The following EDDM13 variants were observed in gnomAD, a reference collection of about 807,000 sequenced individuals.
EDDM13 encodes the protein epididymal protein 13.
In EDDM13, 24 loss-of-function variants were observed where a neutral mutation model predicts 17.8. The ratio of observed to expected loss-of-function variants is 1.35; its 90% CI spans 0.98 to 1.90. The LOEUF (loss-of-function observed/expected upper bound fraction) is 1.90. Ranked by LOEUF, EDDM13 falls within the 40% of genes most tolerant of loss-of-function variation. The pLI is 0.00. For missense variants in EDDM13, 97 were observed against 100.8 expected (o/e 0.96, Z 0.16); for synonymous variants, 31 against 37.5 (o/e 0.83, Z 0.63).
chr19:56,284,160 G>A, intron 4 of EDDM13, 38 bp from the exon 5 acceptor site: 1 of 985,388 alleles, frequency 1.0e-6, no homozygotes. Context: ...ATGTAACCTT[G>A]GCCACCATGC....
At chr19:56,309,722 C>T (rs374256519) in intron 14 of EDDM13, among the ~76,000 whole-genome samples, 1 of 152,212 alleles carries the variant, frequency 6.6e-6, no homozygotes, top group African/African-American at 2.4e-5. Flanking sequence ...AGTCCCTGCT[C>T]CTGCGGGGCG....
intron 12 of EDDM13, chr19:56,299,724 CTTAG>C (rs1345980093): frequency 3.3e-5 from 5 of 152,142 alleles, no homozygotes; most frequent in South Asian, 2.1e-4. Context: ...GTAAATGCTC[CTTAG>C]TTATTGTACT....
chr19:56,301,754 G>A (rs978610040), intron 12 of EDDM13, among the ~76,000 whole-genome samples: 3 of 152,168 alleles, frequency 2.0e-5, no homozygotes, highest in Non-Finnish European at 4.4e-5. Flanking sequence ...TGAGGTGGGA[G>A]AGCCAAAAGG....
chr19:56,295,400 CCTG>C (rs2039802136), intron 9 of EDDM13, among the ~76,000 whole-genome samples: 1 of 151,944 alleles, frequency 6.6e-6, no homozygotes, highest in African/African-American at 2.4e-5. Context: ...TCTAGACCAG[CCTG>C]GCCAACGTGG....
chr19:56,297,264 C>T (rs556864897), intron 11 of EDDM13, among the ~76,000 whole-genome samples: 1 of 152,066 alleles, frequency 6.6e-6, no homozygotes, highest in Non-Finnish European at 1.5e-5. Context: ...TCTCTTCTCT[C>T]CTCATTCGAG....
intron 6 of EDDM13, 118 bp downstream of exon 6, chr19:56,285,142 C>G (rs1195498620): frequency 5.6e-6 from 2 of 358,482 alleles, no homozygotes; most frequent in Non-Finnish European, 7.8e-6. Flanking sequence ...AGGTATTATC[C>G]AAGCACATGT....
intron 6 of EDDM13, among the ~76,000 whole-genome samples, chr19:56,286,040 G>C (rs2039090570): frequency 6.6e-6 from 1 of 152,080 alleles, no homozygotes; most frequent in African/African-American, 2.4e-5. Context: ...TATTTATTTA[G>C]AGACGGAGTC....
chr19:56,296,962 G>A (rs532520261), intron 11 of EDDM13, among the ~76,000 whole-genome samples: 2 of 152,188 alleles, frequency 1.3e-5, no homozygotes, highest in South Asian at 2.1e-4. Context: ...CTAGCTACTC[G>A]GGAGGTTGAG....
intron 14 of EDDM13, 35 bp downstream of exon 14, chr19:56,304,865 G>C: frequency 3.3e-6 from 3 of 895,930 alleles, no homozygotes; most frequent in Non-Finnish European, 2.7e-6. Context: ...TTTTCCCACC[G>C]CTGGGGTGGG....
At chr19:56,291,478 ATC>A (rs954870370) in intron 9 of EDDM13, among the ~76,000 whole-genome samples, 14 of 152,230 alleles carry the variant, frequency 9.2e-5, no homozygotes, top group African/African-American at 3.1e-4. Context: ...TTTTGGGAAG[ATC>A]TGTTTTGAGA....
At chr19:56,284,942 T>C (rs2038993354) in intron 5 of EDDM13, 56 bp from the exon 6 acceptor site, 1 of 897,848 alleles carries the variant, frequency 1.1e-6, no homozygotes, top group African/African-American at 1.8e-5. Flanking sequence ...ATCCATTAAT[T>C]AGGCATATTT....
chr19:56,288,765 G>C (rs12978406), intron 7 of EDDM13, among the ~76,000 whole-genome samples, 109 bp from the exon 8 acceptor site: 27,733 of 152,162 alleles, frequency 0.18, 2,754 homozygotes, highest in Middle Eastern at 0.25. Flanking sequence ...TCCTCTGACT[G>C]GTCAGGGATG....
intron 1 of EDDM13, among the ~76,000 whole-genome samples, chr19:56,273,998 G>C (rs574271139): frequency 1.2e-3 from 178 of 152,208 alleles, no homozygotes; most frequent in African/African-American, 4.1e-3. Context: ...GGTGAAGATG[G>C]GGATAAGTAG....
At chr19:56,303,851 T>A (rs1165365418) in intron 13 of EDDM13, among the ~76,000 whole-genome samples, 1 of 152,016 alleles carries the variant, frequency 6.6e-6, no homozygotes, top group African/African-American at 2.4e-5. Flanking sequence ...AGTGGAAGGA[T>A]CTTGCCTTCA....
intron 1 of EDDM13, among the ~76,000 whole-genome samples, 170 bp from the exon 2 acceptor site, chr19:56,275,922 T>G (rs186739514): frequency 1.3e-5 from 2 of 152,182 alleles, no homozygotes; most frequent in African/African-American, 4.8e-5. Flanking sequence ...GATGGGCTGA[T>G]AGATGGGCCC....
At chr19:56,290,133 T>C (rs925971732) in intron 8 of EDDM13, among the ~76,000 whole-genome samples, 1 of 152,256 alleles carries the variant, frequency 6.6e-6, no homozygotes, top group African/African-American at 2.4e-5. Flanking sequence ...CTGGACCTTC[T>C]GCATGAGAAT....
intron 9 of EDDM13, among the ~76,000 whole-genome samples, chr19:56,293,862 A>T (rs1568710836): frequency 6.6e-6 from 1 of 152,164 alleles, no homozygotes; most frequent in Non-Finnish European, 1.5e-5. Flanking sequence ...CAACAAAAAA[A>T]CTATCCAGCC....
In EDDM13 at chr19:56,302,783, T is replaced by A. The variant is rs1026901369; in HGVS notation, c.423+688T>A. ...CACTAACACAGCCCCAGGGGCTCCT[T>A]TGAAATACTGTCACTCATTCTGCCT... On this transcript the variant is annotated intron_variant, in intron 13 of 14. Coordinates refer to ENST00000649256, the MANE Select transcript of EDDM13 (RefSeq NM_001354658.2). 7.5e-6 allele frequency: 3 copies of A among 397,860 alleles called. No individual in the cohort carries two copies. The East Asian group carries it at 1.1e-4, about 14-fold the overall frequency. 24.6% of individuals were successfully genotyped at this position (397,860 alleles called of 1,614,324 possible).
chr19:56,308,529 G>T (rs1166912551), intron 14 of EDDM13, among the ~76,000 whole-genome samples: 1 of 151,462 alleles, frequency 6.6e-6, no homozygotes, highest in Non-Finnish European at 1.5e-5. Context: ...TCACCATGTT[G>T]TCCAGGCTGG....
Sources: allele counts gnomAD v4.1 joint callset (sites outside exome capture counted in the v4.1 genomes callset), GRCh38; gene constraint gnomAD v4.1.1; transcripts MANE v1.5; gene names NCBI Gene and HGNC (gene_info 2026-07-23, HGNC 2026-07-21).